CDIN1: variants seen among roughly 807,000 people sequenced by gnomAD.
CDIN1 encodes the protein CDAN1 interacting nuclease 1.
In CDIN1, 33 loss-of-function variants were observed where a neutral mutation model predicts 45.3. That is an observed-to-expected ratio of 0.73 (90% CI 0.55 to 0.97). The LOEUF (loss-of-function observed/expected upper bound fraction) is 0.97, where lower values mean the gene tolerates loss of function less well. Among genes scored for constraint, CDIN1 ranks in the 50% least tolerant of loss-of-function variants. CDIN1 has a pLI of 0.00. For synonymous variants in CDIN1, 118 were observed against 124.4 expected (o/e 0.95, Z 0.34); for missense variants, 303 against 339.4 (o/e 0.89, Z 0.84).
At chr15:36,613,551 G>A (rs2038747934) in intron 1 of CDIN1, 3 of 1,509,680 alleles carry the variant, frequency 2.0e-6, no homozygotes, top group African/African-American at 2.7e-5. Context: ...GCAGAGGAGT[G>A]AGCTGAGCGC....
At chr15:36,677,481 A>G (rs998047255) in intron 5 of CDIN1, among the ~76,000 whole-genome samples, 1 of 152,162 alleles carries the variant, frequency 6.6e-6, no homozygotes, top group Non-Finnish European at 1.5e-5. Flanking sequence ...TTGTCTTCTT[A>G]GGGGTGACCA....
intron 10 of CDIN1, chr15:36,798,810 G>A (rs2054908255): frequency 6.6e-6 from 1 of 152,168 alleles, no homozygotes; most frequent in African/African-American, 2.4e-5. Flanking sequence ...GATTTATGTA[G>A]TCTTTTCCAT....
At chr15:36,757,908 A>AAG (rs760908120) in intron 10 of CDIN1, among the ~76,000 whole-genome samples, 1 of 152,106 alleles carries the variant, frequency 6.6e-6, no homozygotes, top group African/African-American at 2.4e-5. Context: ...AGTTTTGAGA[A>AAG]AGAGAGAGAG....
At chr15:36,658,734 A>T (rs904931748) in intron 5 of CDIN1, among the ~76,000 whole-genome samples, 1 of 152,344 alleles carries the variant, frequency 6.6e-6, no homozygotes, top group Middle Eastern at 3.4e-3. Flanking sequence ...CCTCTTTGAA[A>T]GTAGAAGATA....
At chr15:36,658,788 T>C (rs1251024303) in intron 5 of CDIN1, among the ~76,000 whole-genome samples, 1 of 152,178 alleles carries the variant, frequency 6.6e-6, no homozygotes, top group Non-Finnish European at 1.5e-5. Context: ...TGGATTTTTA[T>C]TTTTTTATAT....
intron 10 of CDIN1, among the ~76,000 whole-genome samples, chr15:36,781,683 G>A (rs191162653): frequency 2.6e-5 from 4 of 152,296 alleles, no homozygotes; most frequent in East Asian, 3.9e-4. Context: ...GTACATGCAC[G>A]AAATTCAAGA....
In CDIN1 at chr15:36,579,917, G is replaced by A. The variant is rs761647379; in HGVS notation, c.57G>A (p.Pro19=). The A allele has an allele frequency of 6.8e-6, 11 of 1,613,918 alleles. No homozygotes were observed. Among genetic ancestry groups the A allele is most frequent in the Non-Finnish European group, 9.3e-6 (11 of 1,179,872 alleles). ...TAGCCCAGTGCCTAGTGTCTGTGCC[G>A]CCTACCAGGCAGAGCCTGAGGAAGC... ...DEIAQCLVSV[P]PTRQSLRKLK... is the part of the protein sequence containing the mutation. Residue 19 remains proline, a synonymous_variant, in exon 1 of 11, where the codon CCG becomes CCA. Transcript: ENST00000566621.
At chr15:36,755,332 T>A (rs1453461015) in intron 10 of CDIN1, among the ~76,000 whole-genome samples, 1 of 152,192 alleles carries the variant, frequency 6.6e-6, no homozygotes, top group African/African-American at 2.4e-5. Context: ...AATAGCTTTT[T>A]AGGTTCTTTC....
intron 1 of CDIN1, among the ~76,000 whole-genome samples, chr15:36,630,588 A>C (rs1053910224): frequency 4.6e-5 from 7 of 152,286 alleles, no homozygotes; most frequent in African/African-American, 1.4e-4. Context: ...TGTTTAATAC[A>C]TATTTGTGGA....
In CDIN1 at chr15:36,586,853, A is replaced by G. The variant is rs963778130; in HGVS notation, c.101+6892A>G. Reference sequence around the variant, plus strand: ...TAGTCTGAGGAAACTAGTGTAAGACACATCCAATAGCTATGAAGTATTAGA... The same window carrying G: ...TAGTCTGAGGAAACTAGTGTAAGACGCATCCAATAGCTATGAAGTATTAGA... On this transcript the variant is annotated intron_variant, in intron 1 of 10. Coordinates refer to ENST00000566621, the MANE Select transcript of CDIN1 (RefSeq NM_001321759.2). Among the ~76,000 whole-genome samples the G allele has an allele frequency of 4.6e-5, 7 of 152,392 alleles. No homozygotes were observed. The East Asian group carries it at 1.2e-3, about 25-fold the overall frequency.
chr15:36,708,326 G>A (rs1381698500), intron 8 of CDIN1: 1 of 152,074 alleles, frequency 6.6e-6, no homozygotes, highest in East Asian at 1.9e-4. Context: ...GTTGAGGTTG[G>A]GTGAAGACAG....
At chr15:36,647,709 AG>A (rs1566864033) in intron 3 of CDIN1, 3 of 152,272 alleles carry the variant, frequency 2.0e-5, no homozygotes, top group Non-Finnish European at 4.4e-5. Flanking sequence ...ATTAGAATAA[AG>A]CCAAATTGTA....
chr15:36,755,686 TA>T (rs11380291), intron 10 of CDIN1, among the ~76,000 whole-genome samples: 14 of 147,748 alleles, frequency 9.5e-5, no homozygotes, highest in East Asian at 7.9e-4. Flanking sequence ...AGTGTTGGTT[TA>T]AAAAAAAAAA....
chr15:36,714,130 T>G (rs9302317), intron 10 of CDIN1, among the ~76,000 whole-genome samples: 119,191 of 152,102 alleles, frequency 0.78, 47,327 homozygotes, highest in East Asian at 0.94. Flanking sequence ...CAACTCGAAG[T>G]ATAGTGAGGA....
At chr15:36,750,964 G>A (rs1739202380) in intron 10 of CDIN1, among the ~76,000 whole-genome samples, 1 of 151,790 alleles carries the variant, frequency 6.6e-6, no homozygotes, top group South Asian at 2.1e-4. Flanking sequence ...AAAAGCATCT[G>A]TCTTTTTGCT....
intron 10 of CDIN1, among the ~76,000 whole-genome samples, chr15:36,751,116 A>G (rs1172933190): frequency 6.6e-6 from 1 of 151,248 alleles, no homozygotes; most frequent in Non-Finnish European, 1.5e-5. Context: ...TAAATTTTAG[A>G]TCAATATCCA....
intron 10 of CDIN1, among the ~76,000 whole-genome samples, chr15:36,743,919 G>A (rs1035706035): frequency 4.0e-5 from 6 of 151,018 alleles, no homozygotes; most frequent in African/African-American, 1.2e-4. Context: ...AAAACACGAG[G>A]CTGTCTGTAA....
At chr15:36,726,049 C>T (rs1014761153) in intron 10 of CDIN1, among the ~76,000 whole-genome samples, 5 of 151,992 alleles carry the variant, frequency 3.3e-5, no homozygotes, top group African/African-American at 1.2e-4. Flanking sequence ...GTTTTGTTTC[C>T]AAATGTGATA....
At chr15:36,716,352 G>A (rs1432070868) in intron 10 of CDIN1, among the ~76,000 whole-genome samples, 12 of 152,068 alleles carry the variant, frequency 7.9e-5, no homozygotes. Flanking sequence ...GGCCGTTCTA[G>A]GAATGGAAAC....
Sources: gnomAD v4.1 joint callset for allele counts (sites outside exome capture counted in the v4.1 genomes callset) on GRCh38, gnomAD v4.1.1 for gene constraint, MANE v1.5 for transcripts, NCBI Gene and HGNC (gene_info 2026-07-23, HGNC 2026-07-21) for gene names.